Variants in CNNM4 observed in about 807,000 individuals in gnomAD.
The protein encoded by CNNM4 is cyclin and CBS domain divalent metal cation transport mediator 4.
CNNM4 carries 32 observed loss-of-function variants against 53.7 expected under a neutral mutation model. The ratio of observed to expected loss-of-function variants is 0.60; its 90% CI spans 0.45 to 0.80. CNNM4 has a LOEUF of 0.80. Among genes scored for constraint, CNNM4 ranks in the 30% least tolerant of loss-of-function variants. CNNM4 has a pLI of 0.00. For synonymous variants in CNNM4, 410 were observed against 440.0 expected, an observed-to-expected ratio of 0.93 and a Z score of 0.85; for missense variants, 784 against 1,022.0, an observed-to-expected ratio of 0.77 and a Z score of 3.17.
rs893973873 is a variant in CNNM4 at position 96,810,822 on chromosome 2, C to T, written c.*1305C>T. The T allele has an allele frequency of 6.6e-6, 1 of 152,248 alleles. No homozygotes were observed. Among genetic ancestry groups the T allele is most frequent in the Non-Finnish European group, 1.5e-5 (1 of 68,074 alleles). The allele number at this position is 152,248 out of a possible 1,614,324, so 9.4% of individuals were successfully genotyped here. ...AGCGTGAGAGGTCATCCTGCCCTTG[C>T]TGAAGTTAGTAGTACTGTACTAAGA... On this transcript the variant is annotated 3_prime_UTR_variant, in exon 7 of 7. Transcript: ENST00000377075. The surrounding 1 kb of genome is among the most constrained non-coding windows in gnomAD (Gnocchi z 4.1).
chr2:96,767,167 G>T (rs1158122082), intron 1 of CNNM4, among the ~76,000 whole-genome samples: 1 of 152,168 alleles, frequency 6.6e-6, no homozygotes, highest in Non-Finnish European at 1.5e-5. Context: ...TAAGGCAGGG[G>T]TACAGCCTTG....
Position 96,800,979 on chromosome 2 carries a change from C to G in CNNM4, c.1948+1331C>G. On this transcript the variant is annotated intron_variant, in intron 5 of 6. Coordinates refer to ENST00000377075, the MANE Select transcript of CNNM4 (RefSeq NM_020184.4). The surrounding 1 kb of genome is among the most constrained non-coding windows in gnomAD (Gnocchi z 4.6). ...CTGGGCCCATCTCTGCCCAAAGCAGCCTGGCCCCGTCAGGTCTGCCTCTGT... is the reference window on the plus strand; with the variant it reads ...CTGGGCCCATCTCTGCCCAAAGCAGGCTGGCCCCGTCAGGTCTGCCTCTGT... The G allele has an allele frequency of 2.2e-6, 1 of 460,458 alleles. No homozygotes were observed. The highest frequency in any genetic ancestry group is 2.9e-6 in the Non-Finnish European group (1 of 350,320). The allele number at this position is 460,458 out of a possible 1,614,324, so 28.5% of individuals were successfully genotyped here. A position where few individuals can be genotyped will look rare whatever the true frequency, so the allele number is the denominator to read the frequency against.
Position 96,809,748 on chromosome 2 carries a change from G to A in CNNM4, c.*231G>A, listed in dbSNP as rs2079241487. The A allele has an allele frequency of 6.4e-6, 3 of 465,918 alleles. No homozygotes were observed. The highest frequency in any genetic ancestry group is 9.7e-5 in the South Asian group (2 of 20,564). 28.9% of individuals were successfully genotyped at this position (465,918 alleles called of 1,614,324 possible). A position where few individuals can be genotyped will look rare whatever the true frequency, so the allele number is the denominator to read the frequency against. ...GGGGGCAGTGGGCCAGCTACCGTAA[G>A]CAAAGGCTGTTTTTTACTGAGAGAA... is the stretch of plus-strand genomic sequence containing the variant. On this transcript the variant is annotated 3_prime_UTR_variant, in exon 7 of 7. Transcript: ENST00000377075.
chr2:96,770,448 AT>A (rs1290667987), intron 1 of CNNM4, among the ~76,000 whole-genome samples: 2 of 152,164 alleles, frequency 1.3e-5, no homozygotes, highest in Non-Finnish European at 2.9e-5. Flanking sequence ...CTGGGAAGAC[AT>A]TTCAGCGGAA....
At chr2:96,791,429 C>G (rs1435390015) in intron 1 of CNNM4, among the ~76,000 whole-genome samples, 2 of 151,636 alleles carry the variant, frequency 1.3e-5, no homozygotes, top group African/African-American at 4.8e-5. Context: ...GTCAGGAGCT[C>G]GAGACCAGCC....
chr2:96,798,447 G>A (rs760208136), intron 3 of CNNM4: 7 of 164,622 alleles, frequency 4.3e-5, no homozygotes, highest in African/African-American at 9.6e-5. Context: ...GCTGGTTCCC[G>A]CAGGAATTCA....
chr2:96,770,578 G>A (rs1176557578), intron 1 of CNNM4, among the ~76,000 whole-genome samples: 1 of 152,238 alleles, frequency 6.6e-6, no homozygotes, highest in Non-Finnish European at 1.5e-5. Context: ...AGCTTTGGGG[G>A]TGTGGCTCAG....
At chr2:96,777,280 A>G (rs1364890535) in intron 1 of CNNM4, among the ~76,000 whole-genome samples, 4 of 151,794 alleles carry the variant, frequency 2.6e-5, no homozygotes, top group Non-Finnish European at 4.4e-5. Context: ...CGGCCTCCCA[A>G]AGTGCTGGGA....
intron 1 of CNNM4, among the ~76,000 whole-genome samples, chr2:96,794,433 C>T (rs185969477): frequency 3.5e-4 from 54 of 152,302 alleles, no homozygotes; most frequent in Admixed American, 2.8e-3. Context: ...AGCCCACACA[C>T]GCCTTTGTTT....
At chr2:96,805,154 T>C (rs1251313557) in intron 5 of CNNM4, among the ~76,000 whole-genome samples, 4 of 152,036 alleles carry the variant, frequency 2.6e-5, no homozygotes, top group African/African-American at 9.7e-5. Flanking sequence ...TTTCTGCTTT[T>C]CCTAGAACTT....
intron 1 of CNNM4, among the ~76,000 whole-genome samples, chr2:96,764,911 C>T (rs1008646060): frequency 8.0e-5 from 12 of 150,634 alleles, no homozygotes; most frequent in South Asian, 2.1e-4. Flanking sequence ...CGCTTGAACC[C>T]GGGAGGCAGA....
Position 96,808,581 on chromosome 2 carries a change from AC to A in CNNM4, c.1973del (p.Pro658HisfsTer76). ...VPSDRSPAHPTPLSRSASLSY... is the reference protein window; with the variant it reads ...VPSDRSPAHPXPLSRSASLSY... ...TGCAGACCGTTCCCCAGCACACCCCACCCCACTCAGCCGCTCAGCCTCCCTC... is the reference window on the plus strand; with the variant it reads ...TGCAGACCGTTCCCCAGCACACCCCACCCACTCAGCCGCTCAGCCTCCCTC... On this transcript the variant is annotated frameshift_variant, in exon 6 of 7. Coordinates refer to ENST00000377075, the MANE Select transcript of CNNM4 (RefSeq NM_020184.4). LOFTEE classifies it high-confidence loss of function. The surrounding 1 kb of genome is among the most constrained non-coding windows in gnomAD (Gnocchi z 4.9). 1 of 1,607,778 alleles carries A rather than the reference AC, an allele frequency of 6.2e-7. No individual in the cohort carries two copies. The highest frequency in any genetic ancestry group is 2.2e-5 in the East Asian group (1 of 44,646).
At chr2:96,764,124 C>T (rs1435484421) in intron 1 of CNNM4, among the ~76,000 whole-genome samples, 1 of 152,158 alleles carries the variant, frequency 6.6e-6, no homozygotes, top group South Asian at 2.1e-4. Context: ...AGCACCTTCC[C>T]ATCAGTTCAT....
chr2:96,805,418 G>GTTTTGTTTTTTTTTTTTT (rs2079192621), intron 5 of CNNM4, among the ~76,000 whole-genome samples: 1 of 76,158 alleles, frequency 1.3e-5, no homozygotes, highest in Non-Finnish European at 2.6e-5. Context: ...CTTCTTTTCA[G>GTTTTGTTTTTTTTTTTTT]TTTTTTTTTT....
chr2:96,783,189 A>C (rs1203152763), intron 1 of CNNM4, among the ~76,000 whole-genome samples: 1 of 152,208 alleles, frequency 6.6e-6, no homozygotes, highest in African/African-American at 2.4e-5. Flanking sequence ...AATTGAGCAA[A>C]GGTACAGCGG....
intron 1 of CNNM4, among the ~76,000 whole-genome samples, chr2:96,795,755 G>T (rs1261906450): frequency 6.6e-6 from 1 of 152,110 alleles, no homozygotes; most frequent in African/African-American, 2.4e-5. Context: ...ATTTCCGGGG[G>T]CCTTTCTTCC....
chr2:96,774,368 T>C (rs1234278510), intron 1 of CNNM4, among the ~76,000 whole-genome samples: 1 of 152,126 alleles, frequency 6.6e-6, no homozygotes, highest in Non-Finnish European at 1.5e-5. Context: ...GAGCTATGAT[T>C]GCACCACTGC....
At chr2:96,781,103 C>T (rs1266124848) in intron 1 of CNNM4, among the ~76,000 whole-genome samples, 2 of 150,842 alleles carry the variant, frequency 1.3e-5, no homozygotes, top group African/African-American at 2.4e-5. Context: ...CTCAGCCTCC[C>T]GAGTAGCTGG....
At chr2:96,799,348 C>A in intron 4 of CNNM4, 122 bp downstream of exon 4, 2 of 1,376,146 alleles carry the variant, frequency 1.5e-6, no homozygotes, top group Non-Finnish European at 2.1e-6. Context: ...CTGCTGCCTG[C>A]CCTTGAGCCC....
Sources: gnomAD v4.1 joint callset for allele counts (sites outside exome capture counted in the v4.1 genomes callset) on GRCh38, gnomAD v4.1.1 for gene constraint, Gnocchi (gnomAD v3.1) non-coding constraint, MANE v1.5 for transcripts, NCBI Gene and HGNC (gene_info 2026-07-23, HGNC 2026-07-21) for gene names.